The following CPNE8 variants were observed in gnomAD, a reference collection of about 807,000 sequenced individuals.
The protein encoded by CPNE8 is copine 8, also known as copine-8.
CPNE8 carries 45 observed loss-of-function variants against 81.5 expected under a neutral mutation model. The ratio of observed to expected loss-of-function variants is 0.55; its 90% CI spans 0.44 to 0.71. The LOEUF (loss-of-function observed/expected upper bound fraction) is 0.71. Among genes scored for constraint, CPNE8 ranks in the 30% least tolerant of loss-of-function variants. The pLI is 0.00. For missense variants in CPNE8, 594 were observed against 672.1 expected (o/e 0.88, Z 1.28); for synonymous variants, 252 against 226.3 (o/e 1.11, Z -1.02).
intron 10 of CPNE8, among the ~76,000 whole-genome samples, chr12:38,754,107 A>G (rs1941409192): frequency 6.6e-6 from 1 of 152,240 alleles, no homozygotes; most frequent in South Asian, 2.1e-4. Flanking sequence ...TACAAGGAAA[A>G]CCTTCATACA....
chr12:38,842,569 CTTTTTTTTTT>C (rs769891980), intron 4 of CPNE8, among the ~76,000 whole-genome samples: 2 of 110,834 alleles, frequency 1.8e-5, no homozygotes, highest in Non-Finnish European at 3.6e-5. Flanking sequence ...AACATTTTTC[CTTTTTTTTTT>C]TTTTTTTTTT....
At chr12:38,754,569 A>G (rs1218266384) in intron 10 of CPNE8, among the ~76,000 whole-genome samples, 1 of 151,956 alleles carries the variant, frequency 6.6e-6, no homozygotes, top group Non-Finnish European at 1.5e-5. Context: ...ATTTCTATTG[A>G]GTCATAAATA....
chr12:38,742,515 A>G (rs547512727), intron 10 of CPNE8, among the ~76,000 whole-genome samples: 3 of 126,192 alleles, frequency 2.4e-5, no homozygotes, highest in Admixed American at 2.0e-4. Context: ...AACATCACAC[A>G]CTGGGTCCTG....
At chr12:38,837,590 A>G (rs991163842) in intron 5 of CPNE8, among the ~76,000 whole-genome samples, 2 of 152,092 alleles carry the variant, frequency 1.3e-5, no homozygotes, top group African/African-American at 2.4e-5. Context: ...AGAGGAGGAA[A>G]TAAAGCTTAA....
chr12:38,906,697 G>T, upstream of CPNE8: 1 of 727,468 alleles, frequency 1.4e-6, no homozygotes, highest in Non-Finnish European at 1.7e-6. Context: ...TCCGGAGGTA[G>T]ACGAGGCGCC....
intron 19 of CPNE8, among the ~76,000 whole-genome samples, chr12:38,658,325 T>C (rs2264357): frequency 0.77 from 117,614 of 151,850 alleles, 49,130 homozygotes; most frequent in Non-Finnish European, 0.94. Context: ...ATTAATGAAA[T>C]AAAGCAAGAA....
intron 15 of CPNE8, among the ~76,000 whole-genome samples, chr12:38,689,530 T>C (rs1216960568): frequency 6.6e-6 from 1 of 152,232 alleles, no homozygotes; most frequent in African/African-American, 2.4e-5. Context: ...CTTCCTTTTA[T>C]TCAATGAACA....
chr12:38,904,929 G>A (rs1944545849), intron 1 of CPNE8, among the ~76,000 whole-genome samples: 1 of 152,180 alleles, frequency 6.6e-6, no homozygotes, highest in Non-Finnish European at 1.5e-5. Context: ...AGCCCGGAAG[G>A]GTCGGGGAGA....
intron 5 of CPNE8, among the ~76,000 whole-genome samples, chr12:38,834,913 G>A (rs1298242908): frequency 1.4e-5 from 2 of 147,574 alleles, no homozygotes; most frequent in Non-Finnish European, 3.0e-5. Flanking sequence ...AGTTCACTCT[G>A]TCACCAGGCT....
Position 38,666,641 on chromosome 12 carries a change from T to A in CPNE8, c.1506+4088A>T, listed in dbSNP as rs943716191. 2.6e-5 allele frequency among the ~76,000 whole-genome samples: 4 copies of A among 152,140 alleles called. No homozygotes were observed. The East Asian group carries it at 5.8e-4, about 22-fold the overall frequency. On this transcript the variant is annotated intron_variant, in intron 19 of 19. Transcript: ENST00000331366. ...AAGCAAGAACCATGGAAATGTATGA[T>A]GGGAAGTTAGTTTATTAAGATAAAG...
chr12:38,724,459 C>A (rs1363271637), intron 12 of CPNE8, among the ~76,000 whole-genome samples: 1 of 152,138 alleles, frequency 6.6e-6, no homozygotes, highest in Non-Finnish European at 1.5e-5. Flanking sequence ...ACATACACAT[C>A]CCACGAAACG....
At chr12:38,788,741 T>C (rs1161205908) in intron 6 of CPNE8, among the ~76,000 whole-genome samples, 1 of 151,752 alleles carries the variant, frequency 6.6e-6, no homozygotes, top group Non-Finnish European at 1.5e-5. Flanking sequence ...AAAAAACTAT[T>C]AGAATTGATA....
chr12:38,663,464 C>A (rs1211244869), intron 19 of CPNE8, among the ~76,000 whole-genome samples: 1 of 152,028 alleles, frequency 6.6e-6, no homozygotes, highest in Non-Finnish European at 1.5e-5. Flanking sequence ...GATATCATCT[C>A]ATCCCAGTTA....
intron 13 of CPNE8, among the ~76,000 whole-genome samples, chr12:38,710,296 C>CAAACCG (rs1940222814): frequency 1.1e-5 from 1 of 93,528 alleles, no homozygotes; most frequent in African/African-American, 3.1e-5. Context: ...AAACCAACCC[C>CAAACCG]AAACCGAAAC....
chr12:38,882,147 GAGATGAGT>G lies in CPNE8; in HGVS notation c.99-7644_99-7637del, dbSNP rs199681370. 7.3e-3 allele frequency among the ~76,000 whole-genome samples: 1,105 copies of G among 152,262 alleles called. 19 individuals are homozygous for G. Among genetic ancestry groups the G allele is most frequent in the African/African-American group, 0.025 (1,053 of 41,540 alleles). ...CAGACGTGATTAAACTATAAATCCT[GAGATGAGT>G]AGATTACCCTGGATTATCTTGGAAG... On this transcript the variant is annotated intron_variant, in intron 1 of 19. Transcript: ENST00000331366.
At chr12:38,739,624 T>C (rs1011138665) in intron 10 of CPNE8, among the ~76,000 whole-genome samples, 4 of 152,200 alleles carry the variant, frequency 2.6e-5, no homozygotes, top group African/African-American at 9.6e-5. Flanking sequence ...TAGTAGGCTT[T>C]CTAATAATTT....
chr12:38,794,567 T>A (rs1233877453), intron 6 of CPNE8, among the ~76,000 whole-genome samples: 1 of 151,448 alleles, frequency 6.6e-6, no homozygotes, highest in Admixed American at 6.6e-5. Context: ...ACATGACTAA[T>A]CATTAAGAAA....
chr12:38,767,637 G>C lies in CPNE8; in HGVS notation c.573C>G (p.Gly191=). 1 of 1,528,706 alleles carries C rather than the reference G, an allele frequency of 6.5e-7. No homozygotes were observed. Among genetic ancestry groups the C allele is most frequent in the South Asian group, 1.3e-5 (1 of 76,692 alleles). 94.7% of individuals were successfully genotyped at this position (1,528,706 alleles called of 1,614,324 possible). The change falls in exon 8 of 20, where the codon GGC becomes GGG. Residue 191 remains glycine, a splice_region_variant and synonymous_variant. Coordinates refer to ENST00000331366, the MANE Select transcript of CPNE8 (RefSeq NM_153634.3). ...FLVFYRSNED[G]SFTICHKTEV... ...AAATGCATAAAAGATAAATCTACCT[G>C]CCATCTTCATTACTTCGATAAAATA...
intron 4 of CPNE8, among the ~76,000 whole-genome samples, chr12:38,845,557 G>A (rs533353943): frequency 1.3e-5 from 2 of 151,434 alleles, no homozygotes; most frequent in South Asian, 4.2e-4. Flanking sequence ...ACTTTTACTA[G>A]GAATAACACA....
Sources: allele counts gnomAD v4.1 joint callset (sites outside exome capture counted in the v4.1 genomes callset), GRCh38; gene constraint gnomAD v4.1.1; transcripts MANE v1.5; gene names NCBI Gene and HGNC (gene_info 2026-07-23, HGNC 2026-07-21).